Variants in FRMD3 observed in about 807,000 individuals in gnomAD.
The protein encoded by FRMD3 is FERM domain containing 3.
Under a neutral mutation model 70.2 loss-of-function variants are expected in FRMD3, and 33 were observed. The ratio of observed to expected loss-of-function variants is 0.47; its 90% CI spans 0.36 to 0.63. The LOEUF is 0.63. FRMD3 is among the 20% of genes least tolerant of loss of function. The pLI is 0.00. For missense variants in FRMD3, 632 were observed against 711.4 expected (o/e 0.89, Z 1.27); for synonymous variants, 279 against 255.9 (o/e 1.09, Z -0.86).
intron 1 of FRMD3, among the ~76,000 whole-genome samples, chr9:83,532,477 A>C (rs1300501689): frequency 6.6e-6 from 1 of 152,214 alleles, no homozygotes; most frequent in Non-Finnish European, 1.5e-5. Context: ...TCATACAAAG[A>C]TTGCCTAAAA....
At chr9:83,340,317 C>T (rs1823713661) in intron 5 of FRMD3, among the ~76,000 whole-genome samples, 1 of 152,178 alleles carries the variant, frequency 6.6e-6, no homozygotes, top group Admixed American at 6.5e-5. Context: ...AAAAAGCACC[C>T]AGATCCTACT....
intron 2 of FRMD3, among the ~76,000 whole-genome samples, chr9:83,373,640 T>TA (rs1825050867): frequency 2.0e-5 from 2 of 98,862 alleles, no homozygotes; most frequent in African/African-American, 7.6e-5. Context: ...CTACAGCACA[T>TA]ACAAAGATCA....
intron 6 of FRMD3, among the ~76,000 whole-genome samples, chr9:83,327,847 T>G (rs934346215): frequency 2.6e-5 from 4 of 152,210 alleles, no homozygotes; most frequent in African/African-American, 9.6e-5. Context: ...CTCATGCCTT[T>G]CTACATCCTA....
intron 2 of FRMD3, 79 bp from the exon 3 acceptor site, chr9:83,373,034 A>G (rs977468416): frequency 3.4e-6 from 4 of 1,176,050 alleles, no homozygotes; most frequent in Non-Finnish European, 5.0e-6. Context: ...AACTAAAAGG[A>G]ATTCCAAAGT....
Position 83,286,861 on chromosome 9 carries a change from C to T in FRMD3, c.1195+3742G>A, listed in dbSNP as rs559577199. 2.0e-4 allele frequency among the ~76,000 whole-genome samples: 30 copies of T among 152,296 alleles called. 1 individual carries two copies. Among genetic ancestry groups the T allele is most frequent in the East Asian group, 1.9e-4 (1 of 5,186 alleles). On this transcript the variant is annotated intron_variant, in intron 13 of 13. Transcript: ENST00000304195. ...TCTCTCAATGGCTCCAACAACTCAA[C>T]GAAATCATGCTGGCCATGGACTCCC...
chr9:83,398,846 A>G (rs924026037), intron 1 of FRMD3, among the ~76,000 whole-genome samples: 2 of 152,204 alleles, frequency 1.3e-5, no homozygotes, highest in Non-Finnish European at 2.9e-5. Context: ...TAAAAAACAG[A>G]AAATAACAAC....
At chr9:83,564,760 T>C in the FRMD3 span, among the ~76,000 whole-genome samples, 1 of 152,166 alleles carries the variant, frequency 6.6e-6, no homozygotes, top group Non-Finnish European at 1.5e-5. Context: ...AAAATACAAG[T>C]GTTTCTTAAA....
At chr9:83,541,435 A>G (rs1829998643), upstream of FRMD3, among the ~76,000 whole-genome samples, 1 of 152,234 alleles carries the variant, frequency 6.6e-6, no homozygotes, top group African/African-American at 2.4e-5. Context: ...GATCCAAAGA[A>G]TCAAGGAGAT....
intron 12 of FRMD3, among the ~76,000 whole-genome samples, chr9:83,297,026 A>G (rs1025659012): frequency 6.6e-6 from 1 of 152,224 alleles, no homozygotes; most frequent in African/African-American, 2.4e-5. Context: ...CCTGAGCTAG[A>G]AAGCCTTGGT....
chr9:83,369,662 A>C (rs17086194), intron 3 of FRMD3, among the ~76,000 whole-genome samples: 8,313 of 151,842 alleles, frequency 0.055, 276 homozygotes, highest in East Asian at 0.18. Context: ...CCACCTTTTA[A>C]ATCAGGCCAA....
chr9:83,419,171 T>C (rs1040492416), intron 1 of FRMD3, among the ~76,000 whole-genome samples: 1 of 152,088 alleles, frequency 6.6e-6, no homozygotes, highest in Non-Finnish European at 1.5e-5. Flanking sequence ...GGTTAAAAAC[T>C]ACATATTGGT....
At chr9:83,260,474 G>T (rs1774243184) in intron 13 of FRMD3, among the ~76,000 whole-genome samples, 1 of 152,132 alleles carries the variant, frequency 6.6e-6, no homozygotes, top group African/African-American at 2.4e-5. Flanking sequence ...TGAACCCATG[G>T]TGTCCTTACA....
chr9:83,419,282 T>TA (rs1826552325), intron 1 of FRMD3, among the ~76,000 whole-genome samples: 1 of 152,100 alleles, frequency 6.6e-6, no homozygotes, highest in Non-Finnish European at 1.5e-5. Flanking sequence ...CAAAAACTAT[T>TA]AAAAAATTTT....
intron 13 of FRMD3, among the ~76,000 whole-genome samples, chr9:83,272,796 C>T (rs1373182866): frequency 2.7e-5 from 4 of 150,096 alleles, no homozygotes; most frequent in Admixed American, 6.6e-5. Flanking sequence ...CCCGCCGCCC[C>T]GTCTGGGATG....
chr9:83,555,659 A>G, the FRMD3 span, among the ~76,000 whole-genome samples: 1 of 152,168 alleles, frequency 6.6e-6, no homozygotes, highest in East Asian at 1.9e-4. Flanking sequence ...AGCCCCCTGG[A>G]TTCAGCCTCT....
At chr9:83,538,469 CGCGCGCTCGT>C (rs982138633), upstream of FRMD3, 4 of 351,510 alleles carry the variant, frequency 1.1e-5, no homozygotes, top group African/African-American at 8.5e-5. The surrounding 1 kb of genome is among the most constrained non-coding windows in gnomAD (Gnocchi z 4.7). Flanking sequence ...CCTTCTGTCG[CGCGCGCTCGT>C]GCGCCTCCCT....
At chr9:83,304,380 C>T (rs1000136485) in intron 10 of FRMD3, among the ~76,000 whole-genome samples, 3 of 152,232 alleles carry the variant, frequency 2.0e-5, no homozygotes, top group East Asian at 1.9e-4. Flanking sequence ...ACGGACCCAC[C>T]GCACAGTATC....
In FRMD3 at chr9:83,404,068, GCACACACA is replaced by G. The variant is rs10552914; in HGVS notation, c.148-14368_148-14361del. Among the ~76,000 whole-genome samples, 220 of 148,924 alleles carry G rather than the reference GCACACACA, an allele frequency of 1.5e-3. 1 individual carries two copies. Among genetic ancestry groups the G allele is most frequent in the African/African-American group, 5.0e-3 (205 of 40,608 alleles). ...GCAGTGGGAATTCCTGCATACACAC[GCACACACA>G]CACACACACACACACAAGCAGGCAC... On this transcript the variant is annotated intron_variant, in intron 1 of 13. Coordinates refer to ENST00000304195, the MANE Select transcript of FRMD3 (RefSeq NM_174938.6).
Position 83,245,478 on chromosome 9 carries a change from C to T in FRMD3, c.*2440G>A. On this transcript the variant is annotated 3_prime_UTR_variant, in exon 14 of 14. Transcript: ENST00000304195. ...TTCTGTCAACTTCTTCACTTAAAAA[C>T]ATTTCTATTCAACAATGAAGTTTCC... 2 of 984,416 alleles carry T rather than the reference C, an allele frequency of 2.0e-6. No individual in the cohort carries two copies. The highest frequency in any genetic ancestry group is 2.4e-6 in the Non-Finnish European group (2 of 829,044). The allele number at this position is 984,416 out of a possible 1,614,324, so 61.0% of individuals were successfully genotyped here.
Sources: allele counts gnomAD v4.1 joint callset (sites outside exome capture counted in the v4.1 genomes callset), GRCh38; gene constraint gnomAD v4.1.1; non-coding constraint Gnocchi (gnomAD v3.1); transcripts MANE v1.5; gene names NCBI Gene and HGNC (gene_info 2026-07-23, HGNC 2026-07-21).